The following ALDOA variants were observed in gnomAD, a reference collection of about 807,000 sequenced individuals.
ALDOA encodes aldolase, fructose-bisphosphate A.
Under a neutral mutation model 43.9 loss-of-function variants are expected in ALDOA, and 26 were observed. The observed-to-expected ratio is 0.59, with a 90% confidence interval of 0.43 to 0.82. ALDOA has a LOEUF of 0.82. Ranked by LOEUF, ALDOA falls within the 40% of genes least tolerant of loss-of-function variation. ALDOA has a pLI of 0.00. For missense variants in ALDOA, 498 were observed against 549.5 expected, an observed-to-expected ratio of 0.91 and a Z score of 0.94; for synonymous variants, 258 against 222.6, an observed-to-expected ratio of 1.16 and a Z score of -1.42.
chr16:30,067,394 G>T, intron 3 of ALDOA, 28 bp downstream of exon 3: 2 of 1,614,064 alleles, frequency 1.2e-6, no homozygotes, highest in Non-Finnish European at 8.5e-7. Flanking sequence ...AATGGGTGGA[G>T]GGTGCAGGGT....
Position 30,069,538 on chromosome 16 carries a change from A to T in ALDOA, c.826A>T (p.Ile276Phe). The T allele has an allele frequency of 6.2e-7, 1 of 1,614,074 alleles. No homozygotes were observed. Among genetic ancestry groups the T allele is most frequent in the Non-Finnish European group, 8.5e-7 (1 of 1,180,020 alleles). ...AVYKALSDHH[I>F]YLEGTLLKPN... ...CTACAAGGCTCTGAGTGACCACCAC[A>T]TCTACCTGGAAGGCACCTTGCTGAA... Residue 276 changes from isoleucine (I) to phenylalanine (F), a missense_variant, in exon 8 of 10, where the codon ATC becomes TTC. Physicochemically the swap from Ile to Phe is conservative, Grantham distance 21. Coordinates refer to ENST00000642816, the MANE Select transcript of ALDOA (RefSeq NM_001243177.4).
At chr16:30,065,558 G>A (rs1479343719), upstream of ALDOA, 1 of 152,352 alleles carries the variant, frequency 6.6e-6, no homozygotes, top group Non-Finnish European at 1.5e-5. Context: ...GATGTGGTCC[G>A]AGTCACGTCC....
At position 30,070,170 on chromosome 16, in the gene ALDOA, T is replaced by TGCTGCC. The variant is rs1285775935; in HGVS notation, c.1216_1221dup (p.Ala406_Ala407dup). The TGCTGCC allele has an allele frequency of 6.2e-7, 1 of 1,614,166 alleles. No homozygotes were observed. Among genetic ancestry groups the TGCTGCC allele is most frequent in the Admixed American group, 1.7e-5 (1 of 60,030 alleles). Reference sequence around the variant, plus strand: ...ACACTCCGAGCGGTCAGGCTGGGGCTGCTGCCAGCGAGTCCCTCTTCGTCT... The same window carrying TGCTGCC: ...ACACTCCGAGCGGTCAGGCTGGGGCTGCTGCCGCTGCCAGCGAGTCCCTCTTCGTCT... On this transcript the variant is annotated inframe_insertion, in exon 10 of 10. Transcript: ENST00000642816.
chr16:30,069,772 C>G (rs749443540), intron 8 of ALDOA, 58 bp from the exon 9 acceptor site: 2 of 1,612,590 alleles, frequency 1.2e-6, no homozygotes, highest in Non-Finnish European at 1.7e-6. Context: ...TCCACCAGCT[C>G]CTGCCAGCTT....
Position 30,070,197 on chromosome 16 carries a change from T to C in ALDOA, c.1242T>C (p.Ser414=). The C allele has an allele frequency of 6.2e-7, 1 of 1,614,124 alleles. No individual in the cohort carries two copies. Residue 414 remains serine (S), a synonymous_variant, in exon 10 of 10, where the codon TCT becomes TCC. Coordinates refer to ENST00000642816, the MANE Select transcript of ALDOA (RefSeq NM_001243177.4). The stretch of plus-strand genomic sequence containing the variant: ...CTGCCAGCGAGTCCCTCTTCGTCTC[T>C]AACCACGCCTATTAAGCGGAGGTGT... The part of the protein sequence containing the change: ...GAAASESLFV[S]NHAY
chr16:30,064,656 G>A, upstream of ALDOA: 1 of 393,624 alleles, frequency 2.5e-6, no homozygotes, highest in East Asian at 3.6e-5. Flanking sequence ...GGCGGGAAAA[G>A]GGCAGGGGTC....
intron 4 of ALDOA, 76 bp from the exon 5 acceptor site, chr16:30,068,570 T>G: frequency 1.3e-6 from 2 of 1,525,804 alleles, no homozygotes; most frequent in Non-Finnish European, 1.8e-6. Context: ...ACCACTGTAC[T>G]CCAGCCGGGG....
chr16:30,067,651 T>C lies in ALDOA; in HGVS notation c.476T>C (p.Val159Ala). ...GTTATCAAATCCAAGGGCGGTGTTGTGGGCATCAAGGTAAGGGGAGGGCCT... is the reference window on the plus strand; with the variant it reads ...GTTATCAAATCCAAGGGCGGTGTTGCGGGCATCAAGGTAAGGGGAGGGCCT... ...PQVIKSKGGV[V>A]GIKVDKGVVP... The change falls in exon 4 of 10, where the codon GTG (valine) becomes GCG (alanine). Residue 159 changes from valine (V) to alanine (A), a missense_variant. Physicochemically the swap from Val to Ala is moderately conservative, Grantham distance 64 (BLOSUM62 0). Coordinates refer to ENST00000642816, the MANE Select transcript of ALDOA (RefSeq NM_001243177.4). The C allele has an allele frequency of 6.2e-7, 1 of 1,614,092 alleles. No homozygotes were observed. Among genetic ancestry groups the C allele is most frequent in the Non-Finnish European group, 8.5e-7 (1 of 1,180,026 alleles).
chr16:30,067,705 A>T, intron 4 of ALDOA, 44 bp downstream of exon 4: 1 of 1,609,870 alleles, frequency 6.2e-7, no homozygotes, highest in Non-Finnish European at 8.5e-7. Context: ...ATGGAAGTGG[A>T]GGAAGGAAAT....
In ALDOA at chr16:30,067,365, T is replaced by G. The variant is rs2151015694; in HGVS notation, c.273T>G (p.Thr91=). Residue 91 remains threonine (T), a splice_region_variant and synonymous_variant, in exon 3 of 10, where the codon ACT becomes ACG. Coordinates refer to ENST00000642816, the MANE Select transcript of ALDOA (RefSeq NM_001243177.4). ...GKGILAADES[T]GSIAKRLQSI... is the part of the protein sequence containing the mutation. ...GCATCCTGGCTGCAGATGAGTCCAC[T>G]GGTGCGGGCAGGAGACAGAATGGGT... 6.2e-7 allele frequency: 1 copy of G among 1,613,928 alleles called. No individual in the cohort carries two copies. Among genetic ancestry groups the G allele is most frequent in the Non-Finnish European group, 8.5e-7 (1 of 1,179,982 alleles).
chr16:30,070,418 G>A (rs1468066751), downstream of ALDOA: 6 of 592,152 alleles, frequency 1.0e-5, no homozygotes, highest in Middle Eastern at 4.3e-4. Flanking sequence ...AGGGGGAGTC[G>A]GCCGTCCGTG....
chr16:30,069,897 G>A lies in ALDOA; in HGVS notation c.1029G>A (p.Lys343=), dbSNP rs772908246. The A allele has an allele frequency of 2.5e-6, 4 of 1,614,170 alleles. No individual in the cohort carries two copies. In the Admixed American group the frequency reaches 6.7e-5, roughly 27 times the overall value. The change falls in exon 9 of 10, where the codon AAG becomes AAA. Residue 343 remains lysine, a synonymous_variant. Coordinates refer to ENST00000642816, the MANE Select transcript of ALDOA (RefSeq NM_001243177.4). ...CCATCAACCTCAATGCCATTAACAA[G>A]TGCCCCCTGCTGAAGCCCTGGGCCC... ...EASINLNAIN[K]CPLLKPWALT...
upstream of ALDOA, chr16:30,064,352 T>G: frequency 2.5e-6 from 1 of 398,634 alleles, no homozygotes; most frequent in Non-Finnish European, 4.4e-6. Flanking sequence ...GGAGGGAGAT[T>G]AGAGAAGGAG....
chr16:30,068,574 GC>G, intron 4 of ALDOA, 71 bp from the exon 5 acceptor site: 1 of 1,548,400 alleles, frequency 6.5e-7, no homozygotes, highest in Non-Finnish European at 8.9e-7. Flanking sequence ...CTGTACTCCA[GC>G]CGGGGCGACA....
At chr16:30,069,247 G>C in intron 6 of ALDOA, 59 bp from the exon 7 acceptor site, 1 of 1,564,334 alleles carries the variant, frequency 6.4e-7, no homozygotes, top group Non-Finnish European at 8.8e-7. Context: ...GCTGTGGAGA[G>C]ATGTAGGTGG....
In ALDOA at chr16:30,069,701, A is replaced by G. The variant is rs763894241; in HGVS notation, c.961+28A>G. ...GAGGCCCACACTCATCTTGATCTCT[A>G]TGCAGTAGATAAGCTCCACCCACAA... On this transcript the variant is annotated intron_variant, in intron 8 of 9. Transcript: ENST00000642816. 27 of 1,612,742 alleles carry G rather than the reference A, an allele frequency of 1.7e-5. 1 individual carries two copies. The highest frequency in any genetic ancestry group is 8.9e-5 in the East Asian group (4 of 44,866).
At chr16:30,067,083 G>T (rs2072136192) in intron 2 of ALDOA, 45 bp downstream of exon 2, 1 of 1,571,396 alleles carries the variant, frequency 6.4e-7, no homozygotes, top group East Asian at 2.4e-5. Flanking sequence ...GTAAGAGAGA[G>T]CTGGGGACCA....
rs773990488 is a variant in ALDOA, at chr16:30,068,886, T to A, written c.610T>A (p.Cys204Ser). 1.2e-6 allele frequency: 2 copies of A among 1,614,228 alleles called. No homozygotes were observed. Among genetic ancestry groups the A allele is most frequent in the Non-Finnish European group, 1.7e-6 (2 of 1,180,050 alleles). Residue 204 changes from cysteine (C) to serine (S), a missense_variant, in exon 6 of 10, where the codon TGT becomes AGT. Physicochemically the swap from Cys to Ser is moderately radical, Grantham distance 112 (BLOSUM62 -1). Coordinates refer to ENST00000642816, the MANE Select transcript of ALDOA (RefSeq NM_001243177.4). ...CGGAGCTGACTTCGCCAAGTGGCGT[T>A]GTGTGCTGAAGATTGGGGAACACAC... ...KDGADFAKWR[C>S]VLKIGEHTPS...
intron 7 of ALDOA, 42 bp from the exon 8 acceptor site, chr16:30,069,452 ATCCTC>A: frequency 6.2e-7 from 1 of 1,613,820 alleles, no homozygotes; most frequent in Non-Finnish European, 8.5e-7. Context: ...GCTAACCCCT[ATCCTC>A]TCCTCCACCC....
Sources: gnomAD v4.1 joint callset for allele counts on GRCh38, gnomAD v4.1.1 for gene constraint, MANE v1.5 for transcripts, NCBI Gene and HGNC (gene_info 2026-07-23, HGNC 2026-07-21) for gene names.